Variants in SLC8A1 observed in about 807,000 individuals in gnomAD.
SLC8A1 encodes the protein sodium/calcium exchanger 1.
A neutral mutation model predicts 68.3 loss-of-function variants in SLC8A1; 18 were observed. That is an observed-to-expected ratio of 0.26 (90% confidence interval 0.18 to 0.39). SLC8A1 has a LOEUF of 0.39. Among genes scored for constraint, SLC8A1 ranks in the 10% least tolerant of loss-of-function variants. The pLI is 1.00. For synonymous variants in SLC8A1, 475 were observed against 415.5 expected (o/e 1.14, Z -1.74); for missense variants, 985 against 1,156.7 (o/e 0.85, Z 2.15).
At chr2:40,162,592 G>A (rs1014214709) in intron 5 of SLC8A1, among the ~76,000 whole-genome samples, 4 of 152,132 alleles carry the variant, frequency 2.6e-5, no homozygotes, top group African/African-American at 7.2e-5. Flanking sequence ...GTTAATCCTG[G>A]GGGATTATAG....
chr2:40,302,222 C>T (rs1228293718), intron 2 of SLC8A1, among the ~76,000 whole-genome samples: 1 of 152,032 alleles, frequency 6.6e-6, no homozygotes, highest in African/African-American at 2.4e-5. Flanking sequence ...TTATCCCTCA[C>T]TTCCCTCCTA....
chr2:40,430,157 C>G, exon 2 of SLC8A1: 1 of 1,613,836 alleles, frequency 6.2e-7, no homozygotes, highest in Non-Finnish European at 8.5e-7. Flanking sequence ...TCATTTCCTT[C>G]TCCTTCCATT....
intron 2 of SLC8A1, among the ~76,000 whole-genome samples, chr2:40,379,515 G>A (rs1167618051): frequency 6.6e-6 from 1 of 152,048 alleles, no homozygotes; most frequent in African/African-American, 2.4e-5. Context: ...TCTCAAAAGT[G>A]TCCCCCATGA....
At chr2:40,367,632 T>C (rs1337110397) in intron 2 of SLC8A1, among the ~76,000 whole-genome samples, 1 of 152,022 alleles carries the variant, frequency 6.6e-6, no homozygotes, top group South Asian at 2.1e-4. Context: ...TCCGCCATAA[T>C]TGTTCGCCAT....
chr2:40,262,038 C>A (rs1326823677), intron 2 of SLC8A1, among the ~76,000 whole-genome samples: 1 of 151,558 alleles, frequency 6.6e-6, no homozygotes. Context: ...TCTTGGCTCA[C>A]TGCAGCCACT....
chr2:40,139,722 C>T (rs532476412), intron 6 of SLC8A1, 46 bp from the exon 10 acceptor site: 98 of 1,578,828 alleles, frequency 6.2e-5, no homozygotes, highest in African/African-American at 2.7e-4. Context: ...CCTGTGTTGC[C>T]GGGTCTTCCT....
chr2:40,358,905 T>C (rs1673627191), intron 2 of SLC8A1, among the ~76,000 whole-genome samples: 1 of 152,040 alleles, frequency 6.6e-6, no homozygotes, highest in South Asian at 2.1e-4. Flanking sequence ...AACAGGGATG[T>C]AGGAAGGACT....
chr2:40,285,548 A>G (rs1056181883), intron 2 of SLC8A1, among the ~76,000 whole-genome samples: 15 of 152,148 alleles, frequency 9.9e-5, no homozygotes, highest in African/African-American at 3.6e-4. Context: ...GATTCATCCA[A>G]GTCTATAACA....
At chr2:40,259,871 A>G (rs944493973) in intron 2 of SLC8A1, among the ~76,000 whole-genome samples, 73 of 152,286 alleles carry the variant, frequency 4.8e-4, no homozygotes, top group African/African-American at 1.6e-3. Flanking sequence ...GTTTCTGCAT[A>G]AGACCCTCAG....
chr2:40,313,479 C>T (rs1039850132), intron 2 of SLC8A1, among the ~76,000 whole-genome samples: 31 of 152,000 alleles, frequency 2.0e-4, no homozygotes, highest in Admixed American at 3.9e-4. Context: ...TTTAAAAAAA[C>T]GGTCTCCTAA....
intron 2 of SLC8A1, among the ~76,000 whole-genome samples, chr2:40,400,151 C>G (rs1189796869): frequency 1.3e-5 from 2 of 152,188 alleles, no homozygotes; most frequent in Non-Finnish European, 2.9e-5. Flanking sequence ...GAATTGCTCA[C>G]TCGGTGAGCT....
At chr2:40,219,721 G>A (rs2058029987) in intron 2 of SLC8A1, among the ~76,000 whole-genome samples, 1 of 152,060 alleles carries the variant, frequency 6.6e-6, no homozygotes, top group South Asian at 2.1e-4. Context: ...TCAGTTTATA[G>A]CAATAATGAT....
chr2:40,162,366 G>A lies in SLC8A1; in HGVS notation c.2062-1502C>T, dbSNP rs190290577. On this transcript the variant is annotated intron_variant, in intron 5 of 7. Transcript: ENST00000406785. ...AGAAATGACCTCGATTTTTCCTAAT[G>A]TAGTGGAAACTTGGGACAGTTCTCT... 1.1e-4 allele frequency among the ~76,000 whole-genome samples: 16 copies of A among 152,316 alleles called. No individual in the cohort carries two copies. The East Asian group carries it at 3.1e-3, about 29-fold the overall frequency.
chr2:40,299,568 A>G (rs934479782), intron 2 of SLC8A1, among the ~76,000 whole-genome samples: 2 of 152,154 alleles, frequency 1.3e-5, no homozygotes, highest in African/African-American at 4.8e-5. Context: ...AATTCTCAGG[A>G]AGAGGTGCTG....
chr2:40,422,932 G>T (rs1012138840), intron 2 of SLC8A1, among the ~76,000 whole-genome samples: 2 of 151,976 alleles, frequency 1.3e-5, no homozygotes, highest in Admixed American at 6.6e-5. Flanking sequence ...CATCTGCAAG[G>T]TCACTTACTT....
intron 7 of SLC8A1, among the ~76,000 whole-genome samples, chr2:40,136,022 T>C (rs1390814995): frequency 6.6e-6 from 1 of 152,188 alleles, no homozygotes; most frequent in Non-Finnish European, 1.5e-5. Flanking sequence ...TAGCAGTCAT[T>C]GGCATATAGA....
At chr2:40,286,096 G>A (rs943655692) in intron 2 of SLC8A1, among the ~76,000 whole-genome samples, 1 of 152,180 alleles carries the variant, frequency 6.6e-6, no homozygotes, top group African/African-American at 2.4e-5. Context: ...CTAGAATAGT[G>A]TCTAGTACAC....
intron 2 of SLC8A1, among the ~76,000 whole-genome samples, chr2:40,205,135 C>T (rs1217540077): frequency 1.3e-5 from 2 of 151,996 alleles, no homozygotes; most frequent in African/African-American, 2.4e-5. Context: ...GTTAAAAATA[C>T]AACATGCATA....
intron 2 of SLC8A1, among the ~76,000 whole-genome samples, chr2:40,305,186 C>T (rs1243533009): frequency 1.3e-5 from 2 of 152,170 alleles, no homozygotes; most frequent in Non-Finnish European, 2.9e-5. Flanking sequence ...TTCACTGCCA[C>T]CACTTGGGAA....
Sources: allele counts gnomAD v4.1 joint callset (sites outside exome capture counted in the v4.1 genomes callset), GRCh38; gene constraint gnomAD v4.1.1; transcripts MANE v1.5; gene names NCBI Gene and HGNC (gene_info 2026-07-23, HGNC 2026-07-21).